Variants in PVT1 observed in about 807,000 individuals in gnomAD.
The protein encoded by PVT1 is Pvt1 oncogene, also known as CXCR4/PVT1 fusion.
intron 2 of PVT1, among the ~76,000 whole-genome samples, chr8:127,840,137 C>T (rs1194468999): frequency 1.3e-5 from 2 of 152,316 alleles, no homozygotes; most frequent in East Asian, 1.9e-4. Context: ...CCGGGGTCCA[C>T]ACTACACAGG....
chr8:127,824,917 C>T (rs10090348), intron 2 of PVT1, among the ~76,000 whole-genome samples: 1,790 of 151,992 alleles, frequency 0.012, 26 homozygotes, highest in African/African-American at 0.041. Flanking sequence ...GTCAGGAGTT[C>T]GAGACCAGCT....
intron 5 of PVT1, among the ~76,000 whole-genome samples, chr8:128,074,374 T>G (rs1814053397): frequency 6.6e-6 from 1 of 150,662 alleles, no homozygotes; most frequent in African/African-American, 2.4e-5. Flanking sequence ...AAAAAAAAAA[T>G]TAGTGGGGTG....
At chr8:127,841,528 C>T (rs192155702) in intron 2 of PVT1, among the ~76,000 whole-genome samples, 86 of 152,146 alleles carry the variant, frequency 5.7e-4, no homozygotes, top group Non-Finnish European at 1.1e-3. Flanking sequence ...CCCACTTCAG[C>T]GAGATTATAG....
chr8:127,968,930 G>T (rs892276275), intron 3 of PVT1, among the ~76,000 whole-genome samples: 1 of 152,126 alleles, frequency 6.6e-6, no homozygotes, highest in African/African-American at 2.4e-5. Context: ...GCAAGGAAGG[G>T]TTTCCCCTCA....
intron 5 of PVT1, among the ~76,000 whole-genome samples, chr8:128,076,622 G>A (rs2720670): frequency 0.24 from 35,743 of 152,054 alleles, 4,446 homozygotes; most frequent in East Asian, 0.39. Flanking sequence ...TAGGCGAGTC[G>A]CTTACCTTCT....
At chr8:127,838,475 C>T (rs1460019620) in intron 2 of PVT1, among the ~76,000 whole-genome samples, 1 of 151,936 alleles carries the variant, frequency 6.6e-6, no homozygotes, top group Non-Finnish European at 1.5e-5. Context: ...GAGGCTGAGG[C>T]GAGTGGATTA....
intron 2 of PVT1, among the ~76,000 whole-genome samples, chr8:127,889,097 T>G (rs1383579777): frequency 7.1e-6 from 1 of 140,634 alleles, no homozygotes; most frequent in South Asian, 2.3e-4. Flanking sequence ...CCTTCCTTCC[T>G]TCCCTCCTTC....
At chr8:127,817,460 AAT>A (rs34623953) in intron 2 of PVT1, among the ~76,000 whole-genome samples, 35,937 of 83,066 alleles carry the variant, frequency 0.43, 8,399 homozygotes, top group African/African-American at 0.68. Context: ...CCCTTAGGGA[AAT>A]ATATATATAT....
At chr8:127,938,446 G>A (rs1370889607) in intron 3 of PVT1, among the ~76,000 whole-genome samples, 1 of 152,184 alleles carries the variant, frequency 6.6e-6, no homozygotes, top group Non-Finnish European at 1.5e-5. Flanking sequence ...ATGAAAAGAA[G>A]AGATGCTCCC....
chr8:127,911,732 C>G lies in PVT1; in HGVS notation n.782+20734C>G, dbSNP rs184299044. ...AGCTGTGTCTAATAGCATGCGTGCCCCCTCTGCTGTGCTTTTATTTGCTTC... is the reference window on the plus strand; with the variant it reads ...AGCTGTGTCTAATAGCATGCGTGCCGCCTCTGCTGTGCTTTTATTTGCTTC... On this transcript the variant is annotated intron_variant and non_coding_transcript_variant, in intron 3 of 10. Transcript: ENST00000651587. Among the ~76,000 whole-genome samples the G allele has an allele frequency of 4.1e-4, 62 of 152,284 alleles. No homozygotes were observed. In the South Asian group the frequency reaches 4.8e-3, roughly 12 times the overall value.
At chr8:127,845,158 A>C (rs1815018375) in intron 2 of PVT1, among the ~76,000 whole-genome samples, 2 of 152,120 alleles carry the variant, frequency 1.3e-5, no homozygotes, top group Non-Finnish European at 2.9e-5. Context: ...GCAGGGTATA[A>C]AATCTGAGAA....
chr8:127,817,506 TTTAA>T (rs1814677410), intron 2 of PVT1, among the ~76,000 whole-genome samples: 4 of 127,724 alleles, frequency 3.1e-5, no homozygotes, highest in African/African-American at 1.2e-4. Flanking sequence ...TACATATATA[TTTAA>T]ATAGATATAT....
rs188136945 is a variant in PVT1 at position 128,024,172 on chromosome 8, A to T, written n.912+34881A>T. 5.1e-4 allele frequency among the ~76,000 whole-genome samples: 77 copies of T among 152,318 alleles called. 1 individual carries two copies. The highest frequency in any genetic ancestry group is 1.9e-3 in the East Asian group (10 of 5,186). Reference sequence around the variant, plus strand: ...AAGCTCCTCAGTTTATCAATGAAGGAATTGCACCTGTGAATGGAAGTGGCC... The same window carrying T: ...AAGCTCCTCAGTTTATCAATGAAGGTATTGCACCTGTGAATGGAAGTGGCC... On this transcript the variant is annotated intron_variant and non_coding_transcript_variant, in intron 4 of 10. Coordinates refer to ENST00000651587, the Ensembl canonical transcript of PVT1.
intron 3 of PVT1, among the ~76,000 whole-genome samples, chr8:127,953,623 AT>A (rs1816534188): frequency 6.6e-6 from 1 of 152,154 alleles, no homozygotes; most frequent in African/African-American, 2.4e-5. Flanking sequence ...TGAACGGGTA[AT>A]TTGCTTCCAT....
At chr8:128,042,363 G>C (rs759467380) in intron 4 of PVT1, among the ~76,000 whole-genome samples, 18 of 152,202 alleles carry the variant, frequency 1.2e-4, no homozygotes, top group Non-Finnish European at 2.2e-4. Flanking sequence ...AAGAAGCAAA[G>C]AATAATATTG....
At chr8:127,868,770 C>T (rs1586414272) in intron 2 of PVT1, among the ~76,000 whole-genome samples, 1 of 502 alleles carries the variant, frequency 2.0e-3, no homozygotes, top group African/African-American at 3.8e-3. Flanking sequence ...TTCCTTTTAA[C>T]ATATATATAT....
At chr8:128,004,719 G>T (rs1325983051) in intron 4 of PVT1, among the ~76,000 whole-genome samples, 2 of 152,186 alleles carry the variant, frequency 1.3e-5, no homozygotes, top group African/African-American at 4.8e-5. Context: ...GCCTCACTTT[G>T]CAGCTGTGCA....
intron 4 of PVT1, among the ~76,000 whole-genome samples, chr8:128,021,616 G>A (rs1039220523): frequency 3.3e-5 from 5 of 152,090 alleles, no homozygotes; most frequent in Non-Finnish European, 7.4e-5. Flanking sequence ...TTTATACTCA[G>A]TATAATCAGT....
chr8:127,801,889 ATTATTTATTTATTTATTTAT>A (rs56208015), intron 2 of PVT1, among the ~76,000 whole-genome samples: 20 of 147,378 alleles, frequency 1.4e-4, no homozygotes, highest in African/African-American at 7.5e-5. Flanking sequence ...AAGATATCTC[ATTATTTATTTATTTATTTAT>A]TTATTTATTT....
Sources: allele counts gnomAD v4.1 joint callset (sites outside exome capture counted in the v4.1 genomes callset), GRCh38; gene constraint gnomAD v4.1.1; transcripts MANE v1.5; gene names NCBI Gene and HGNC (gene_info 2026-07-23, HGNC 2026-07-21).